Variants in CAMK4 observed in about 807,000 individuals in gnomAD.
The protein encoded by CAMK4 is calcium/calmodulin-dependent protein kinase type IV.
CAMK4 carries 22 observed loss-of-function variants against 44.9 expected under a neutral mutation model. The observed-to-expected ratio is 0.49, with a 90% CI of 0.35 to 0.70. The LOEUF is 0.70. Ranked by LOEUF, CAMK4 falls within the 30% of genes least tolerant of loss-of-function variation. CAMK4 has a pLI of 0.01. For synonymous variants in CAMK4, 218 were observed against 215.4 expected, an observed-to-expected ratio of 1.01 and a Z score of -0.11; for missense variants, 498 against 586.8, an observed-to-expected ratio of 0.85 and a Z score of 1.56.
intron 1 of CAMK4, among the ~76,000 whole-genome samples, chr5:111,225,156 G>A (rs1312483157): frequency 6.6e-6 from 1 of 152,202 alleles, no homozygotes; most frequent in Non-Finnish European, 1.5e-5. Flanking sequence ...GCTCAGGAGT[G>A]AAGGGAGAAA....
intron 2 of CAMK4, among the ~76,000 whole-genome samples, chr5:111,362,824 A>G (rs1750645680): frequency 6.6e-6 from 1 of 152,050 alleles, no homozygotes; most frequent in African/African-American, 2.4e-5. Flanking sequence ...AAGTCAAAAT[A>G]TCCACAGCTA....
At chr5:111,364,699 A>G (rs1750723988) in intron 2 of CAMK4, among the ~76,000 whole-genome samples, 1 of 151,998 alleles carries the variant, frequency 6.6e-6, no homozygotes, top group Admixed American at 6.6e-5. Context: ...TTCCTCCTCT[A>G]TTGGAAATCC....
intron 1 of CAMK4, among the ~76,000 whole-genome samples, chr5:111,231,191 A>G (rs1477452766): frequency 6.6e-6 from 1 of 152,210 alleles, no homozygotes; most frequent in Non-Finnish European, 1.5e-5. Context: ...TTCCTCAGTC[A>G]TTATCTTGTC....
intron 2 of CAMK4, 45 bp downstream of exon 2, chr5:111,344,147 C>T: frequency 1.7e-6 from 2 of 1,145,712 alleles, no homozygotes; most frequent in Non-Finnish European, 2.6e-6. Context: ...GGGCCTGTGA[C>T]CTGGAGAAGG....
chr5:111,411,896 G>C (rs960284482), intron 5 of CAMK4, among the ~76,000 whole-genome samples: 1 of 152,104 alleles, frequency 6.6e-6, no homozygotes, highest in East Asian at 1.9e-4. Flanking sequence ...CATTAAAAGG[G>C]TATGGAAGAT....
At chr5:111,465,697 A>G (rs1287694224) in intron 7 of CAMK4, among the ~76,000 whole-genome samples, 1 of 152,224 alleles carries the variant, frequency 6.6e-6, no homozygotes, top group Non-Finnish European at 1.5e-5. Flanking sequence ...AAGCAGCAAG[A>G]TTGAAATGGT....
chr5:111,379,913 G>C (rs1462376749), intron 4 of CAMK4, among the ~76,000 whole-genome samples: 2 of 152,072 alleles, frequency 1.3e-5, no homozygotes, highest in African/African-American at 4.8e-5. Context: ...AATTACATAG[G>C]ACAGTTTATT....
chr5:111,273,720 C>T (rs60289129), intron 1 of CAMK4, among the ~76,000 whole-genome samples: 16,006 of 29,770 alleles, frequency 0.54, 3,597 homozygotes, highest in South Asian at 0.59. Flanking sequence ...TATATATATA[C>T]ACACACATAC....
chr5:111,256,351 G>C (rs1327659566), intron 1 of CAMK4, among the ~76,000 whole-genome samples: 1 of 152,150 alleles, frequency 6.6e-6, no homozygotes, highest in Non-Finnish European at 1.5e-5. Flanking sequence ...GGATGTAATA[G>C]TTTTGTATCT....
In CAMK4 at chr5:111,303,852, C is replaced by T. The variant is rs1233152215; in HGVS notation, c.162-40172C>T. 4.4e-5 allele frequency among the ~76,000 whole-genome samples: 6 copies of T among 137,748 alleles called. No individual in the cohort carries two copies. The South Asian group carries it at 9.3e-4, about 21-fold the overall frequency. 90.4% of individuals were successfully genotyped at this position (137,748 alleles called of 152,430 possible). A position where few individuals can be genotyped will look rare whatever the true frequency, so the allele number is the denominator to read the frequency against. Reference sequence around the variant, plus strand: ...GTTAAGGGCAGCCAGAGAGAAAGGTCGGGTTACCCTCAAAGGAAAGCCCAT... The same window carrying T: ...GTTAAGGGCAGCCAGAGAGAAAGGTTGGGTTACCCTCAAAGGAAAGCCCAT... On this transcript the variant is annotated intron_variant, in intron 1 of 10. Coordinates refer to ENST00000282356, the MANE Select transcript of CAMK4 (RefSeq NM_001744.6).
At chr5:111,464,762 G>C (rs1455840818) in intron 7 of CAMK4, among the ~76,000 whole-genome samples, 1 of 152,162 alleles carries the variant, frequency 6.6e-6, no homozygotes, top group African/African-American at 2.4e-5. Flanking sequence ...AATATATTTG[G>C]TTAACTTTGA....
rs140088770 is a variant in CAMK4, at chr5:111,248,692, C to T, written c.161+24048C>T. On this transcript the variant is annotated intron_variant, in intron 1 of 10. Coordinates refer to ENST00000282356, the MANE Select transcript of CAMK4 (RefSeq NM_001744.6). ...TATTTCCTCTGGACACCACTTAAAT[C>T]CCTTCTTATTGTGATGATATATTAT... Among the ~76,000 whole-genome samples, 671 of 152,222 alleles carry T rather than the reference C, an allele frequency of 4.4e-3. 2 individuals carry two copies. Among genetic ancestry groups the T allele is most frequent in the Non-Finnish European group, 6.3e-3 (427 of 68,024 alleles).
At position 111,382,690 on chromosome 5, in the gene CAMK4, G is replaced by A. The variant is rs1156345999; in HGVS notation, c.386+5748G>A. On this transcript the variant is annotated intron_variant, in intron 4 of 10. Transcript: ENST00000282356. ...GACAAGATAACTGAGGATCAGAGAG[G>A]TCTGTTAACTTCCGTTAGGTCATTC... Among the ~76,000 whole-genome samples the A allele has an allele frequency of 3.9e-5, 6 of 152,066 alleles. No individual in the cohort carries two copies. The East Asian group carries it at 1.2e-3, about 29-fold the overall frequency.
At chr5:111,270,931 G>A (rs554396803) in intron 1 of CAMK4, among the ~76,000 whole-genome samples, 5 of 152,298 alleles carry the variant, frequency 3.3e-5, no homozygotes, top group South Asian at 4.1e-4. Context: ...GGAAGCCTCC[G>A]GAAACTTACA....
At position 111,485,141 on chromosome 5, in the gene CAMK4, C is replaced by T. The variant is rs1031766620; in HGVS notation, c.*675C>T. 2 of 152,102 alleles carry T rather than the reference C, an allele frequency of 1.3e-5. No individual in the cohort carries two copies. The highest frequency in any genetic ancestry group is 2.9e-5 in the Non-Finnish European group (2 of 68,028). 9.4% of individuals were successfully genotyped at this position (152,102 alleles called of 1,614,324 possible). A position where few individuals can be genotyped will look rare whatever the true frequency, so the allele number is the denominator to read the frequency against. ...GTTCTAAGATTCTGCCATTTTACAA[C>T]CCTGGAGGAAGTAATTTACAAACTC... is the stretch of plus-strand genomic sequence containing the variant. On this transcript the variant is annotated 3_prime_UTR_variant, in exon 11 of 11. Coordinates refer to ENST00000282356, the MANE Select transcript of CAMK4 (RefSeq NM_001744.6).
Position 111,489,753 on chromosome 5 carries a change from A to C in CAMK4, c.*5287A>C, listed in dbSNP as rs546595158. The C allele has an allele frequency of 2.0e-5, 3 of 152,326 alleles. No homozygotes were observed. Among genetic ancestry groups the C allele is most frequent in the Non-Finnish European group, 2.9e-5 (2 of 68,026 alleles). The allele number at this position is 152,326 out of a possible 1,614,324, so 9.4% of individuals were successfully genotyped here. A position where few individuals can be genotyped will look rare whatever the true frequency, so the allele number is the denominator to read the frequency against. ...TTCTCATCCTCTGATTGAAAGTGATACAATTTGAATATTGGTATATTGTCA... is the reference window on the plus strand; with the variant it reads ...TTCTCATCCTCTGATTGAAAGTGATCCAATTTGAATATTGGTATATTGTCA... On this transcript the variant is annotated 3_prime_UTR_variant, in exon 11 of 11. Transcript: ENST00000282356.
intron 1 of CAMK4, among the ~76,000 whole-genome samples, chr5:111,259,550 G>C (rs1749890255): frequency 6.6e-6 from 1 of 152,154 alleles, no homozygotes; most frequent in Non-Finnish European, 1.5e-5. Context: ...TTTGGAGGAT[G>C]GGTTGTAGGT....
chr5:111,437,766 A>G (rs1350703658), intron 5 of CAMK4, among the ~76,000 whole-genome samples: 1 of 152,156 alleles, frequency 6.6e-6, no homozygotes, highest in East Asian at 1.9e-4. Context: ...TGTATCAGAG[A>G]ACAGAACAAG....
chr5:111,263,310 A>G (rs1415350240), intron 1 of CAMK4, among the ~76,000 whole-genome samples: 4 of 152,226 alleles, frequency 2.6e-5, no homozygotes, highest in Non-Finnish European at 5.9e-5. Context: ...TGTTAATGGT[A>G]AAGTTGGATG....
Sources: allele counts gnomAD v4.1 joint callset (sites outside exome capture counted in the v4.1 genomes callset), GRCh38; gene constraint gnomAD v4.1.1; transcripts MANE v1.5; gene names NCBI Gene and HGNC (gene_info 2026-07-23, HGNC 2026-07-21).